HAS2: variants seen among roughly 807,000 people sequenced by gnomAD.
The protein encoded by HAS2 is HA synthase 2.
Under a neutral mutation model 51.6 loss-of-function variants are expected in HAS2, and 16 were observed. The observed-to-expected ratio is 0.31, with a 90% CI of 0.21 to 0.47. The LOEUF is 0.47. Among genes scored for constraint, HAS2 ranks in the 20% least tolerant of loss-of-function variants. The pLI is 1.00. For synonymous variants in HAS2, 228 were observed against 235.5 expected (o/e 0.97, Z 0.29); for missense variants, 361 against 662.6 (o/e 0.54, Z 5.00).
intron 2 of HAS2, among the ~76,000 whole-genome samples, chr8:121,623,554 G>A (rs2130439715): frequency 6.6e-6 from 1 of 152,262 alleles, no homozygotes; most frequent in Middle Eastern, 3.4e-3. Context: ...TGAAAATTCT[G>A]ATATCCCTTT....
chr8:121,628,681 T>C, intron 2 of HAS2, 33 bp downstream of exon 2: 1 of 1,594,330 alleles, frequency 6.3e-7, no homozygotes, highest in Non-Finnish European at 8.6e-7. Context: ...TATTTAAATG[T>C]ATGTTTGCCC....
chr8:121,633,662 A>G (rs1351385140), intron 1 of HAS2, among the ~76,000 whole-genome samples: 1 of 152,198 alleles, frequency 6.6e-6, no homozygotes, highest in Non-Finnish European at 1.5e-5. Flanking sequence ...CTGTGTTACC[A>G]TAAAAAAGGC....
At chr8:121,638,593 G>A (rs940607129) in intron 1 of HAS2, among the ~76,000 whole-genome samples, 9 of 152,128 alleles carry the variant, frequency 5.9e-5, no homozygotes, top group Non-Finnish European at 2.9e-5. Flanking sequence ...TTAAAAATCA[G>A]AATTATCTGT....
At chr8:121,626,969 A>G (rs1812862613) in intron 2 of HAS2, among the ~76,000 whole-genome samples, 1 of 152,136 alleles carries the variant, frequency 6.6e-6, no homozygotes, top group Admixed American at 6.6e-5. Context: ...CTATTCTAAT[A>G]TTTCATATTT....
At chr8:121,635,183 C>T (rs1812992720) in intron 1 of HAS2, among the ~76,000 whole-genome samples, 1 of 152,074 alleles carries the variant, frequency 6.6e-6, no homozygotes, top group African/African-American at 2.4e-5. Flanking sequence ...AGAATTTGAC[C>T]TCTGGAACCA....
At chr8:121,631,771 C>T (rs899050250) in intron 1 of HAS2, among the ~76,000 whole-genome samples, 1 of 152,224 alleles carries the variant, frequency 6.6e-6, no homozygotes, top group African/African-American at 2.4e-5. Flanking sequence ...TGGAACTTGT[C>T]ATTTCCAAGA....
chr8:121,614,781 T>C lies in HAS2; in HGVS notation c.987A>G (p.Lys329=). 6.2e-7 allele frequency: 1 copy of C among 1,614,238 alleles called. No homozygotes were observed. The highest frequency in any genetic ancestry group is 8.5e-7 in the Non-Finnish European group (1 of 1,180,046). The change falls in exon 4 of 4, where the codon AAA becomes AAG. Residue 329 remains lysine, a synonymous_variant. Transcript: ENST00000303924. This position sits in a 1 kb window ranked among gnomAD's most constrained non-coding sequence, Gnocchi z 7.2. ...NRVLSLGYAT[K]YTARSKCLTE... ...TAAGGCACTTAGATCGAGCTGTGTATTTTGTTGCATAGCCCAGGCTCAGCA... is the reference window on the plus strand; with the variant it reads ...TAAGGCACTTAGATCGAGCTGTGTACTTTGTTGCATAGCCCAGGCTCAGCA...
At chr8:121,624,737 G>A in intron 2 of HAS2, among the ~76,000 whole-genome samples, 1 of 152,136 alleles carries the variant, frequency 6.6e-6, no homozygotes. Flanking sequence ...TTGTCTCATA[G>A]ACTGGTGGCC....
intron 1 of HAS2, among the ~76,000 whole-genome samples, 175 bp from the exon 2 acceptor site, chr8:121,629,515 G>C (rs1232186884): frequency 1.3e-5 from 2 of 152,122 alleles, no homozygotes; most frequent in Non-Finnish European, 2.9e-5. Flanking sequence ...TGCAAAACAG[G>C]GATAAGGATG....
chr8:121,616,051 T>C (rs893367798), intron 3 of HAS2, among the ~76,000 whole-genome samples: 2 of 152,198 alleles, frequency 1.3e-5, no homozygotes, highest in African/African-American at 4.8e-5. Flanking sequence ...AGCATGATAA[T>C]ATCTAAATTT....
chr8:121,628,606 G>C lies in HAS2; in HGVS notation c.627+108C>G, dbSNP rs936767436. On this transcript the variant is annotated intron_variant, in intron 2 of 3. Coordinates refer to ENST00000303924, the MANE Select transcript of HAS2 (RefSeq NM_005328.3). ...GCTGTTTTCAAATGAACTGAAAGAA[G>C]TACTGTGTTCAGAAGGGACAAGGAT... The C allele has an allele frequency of 1.0e-5, 10 of 955,860 alleles. No homozygotes were observed. In the African/African-American group the frequency reaches 1.5e-4, roughly 14 times the overall value. The allele number at this position is 955,860 out of a possible 1,614,324, so 59.2% of individuals were successfully genotyped here.
chr8:121,634,223 G>A (rs961111058), intron 1 of HAS2, among the ~76,000 whole-genome samples: 2 of 152,070 alleles, frequency 1.3e-5, no homozygotes, highest in African/African-American at 4.8e-5. Context: ...GATTATAGGT[G>A]TGTGCTACCG....
intron 2 of HAS2, among the ~76,000 whole-genome samples, chr8:121,621,249 A>G (rs1009494844): frequency 2.6e-5 from 4 of 152,228 alleles, no homozygotes; most frequent in Non-Finnish European, 5.9e-5. Context: ...AGCTGTCTCC[A>G]TCTCCCTGTG....
chr8:121,639,773 C>A (rs952461550), intron 1 of HAS2: 2 of 152,346 alleles, frequency 1.3e-5, no homozygotes, highest in Admixed American at 1.3e-4. Context: ...CATTTCGGAG[C>A]CCTGGCTCAC....
At chr8:121,640,469 G>A (rs1049309342) in intron 1 of HAS2, among the ~76,000 whole-genome samples, 3 of 151,714 alleles carry the variant, frequency 2.0e-5, no homozygotes, top group African/African-American at 7.3e-5. Flanking sequence ...GGAAGGGGTG[G>A]GGCGGCTGTG....
intron 2 of HAS2, among the ~76,000 whole-genome samples, chr8:121,624,982 C>G (rs1250924579): frequency 6.6e-6 from 1 of 150,622 alleles, no homozygotes; most frequent in Non-Finnish European, 1.5e-5. Flanking sequence ...CCTGTAGTCC[C>G]GGGTACTTGG....
Position 121,617,077 on chromosome 8 carries a change from C to A in HAS2, c.729+28G>T, listed in dbSNP as rs370655534. ...GCTCTTAAAAGTATTTCATGCAAAACAAACAAACAAAAAGTGAAGCCATGT... is the reference window on the plus strand; with the variant it reads ...GCTCTTAAAAGTATTTCATGCAAAAAAAACAAACAAAAAGTGAAGCCATGT... On this transcript the variant is annotated intron_variant, in intron 3 of 3. Coordinates refer to ENST00000303924, the MANE Select transcript of HAS2 (RefSeq NM_005328.3). 197 of 1,252,580 alleles carry A rather than the reference C, an allele frequency of 1.6e-4. No homozygotes were observed. In the African/African-American group the frequency reaches 2.0e-3, roughly 13 times the overall value. The allele number at this position is 1,252,580 out of a possible 1,614,324, so 77.6% of individuals were successfully genotyped here.
At chr8:121,621,916 G>T (rs751037097) in intron 2 of HAS2, among the ~76,000 whole-genome samples, 1 of 151,986 alleles carries the variant, frequency 6.6e-6, no homozygotes, top group Non-Finnish European at 1.5e-5. Flanking sequence ...CAGCAAGAGA[G>T]AAATCTTAAT....
chr8:121,625,167 T>C (rs996946054), intron 2 of HAS2, among the ~76,000 whole-genome samples: 7 of 141,566 alleles, frequency 4.9e-5, no homozygotes, highest in African/African-American at 1.8e-4. Context: ...ACTTAAAAAA[T>C]ATAAAACATT....
Sources: gnomAD v4.1 joint callset for allele counts (sites outside exome capture counted in the v4.1 genomes callset) on GRCh38, gnomAD v4.1.1 for gene constraint, Gnocchi (gnomAD v3.1) non-coding constraint, MANE v1.5 for transcripts, NCBI Gene and HGNC (gene_info 2026-07-23, HGNC 2026-07-21) for gene names.